The following PECR variants were observed in gnomAD, a reference collection of about 807,000 sequenced individuals.
PECR encodes peroxisomal trans-2-enoyl-CoA reductase.
PECR carries 30 observed loss-of-function variants against 35.3 expected under a neutral mutation model. That is an observed-to-expected ratio of 0.85 (90% CI 0.64 to 1.15). The LOEUF is 1.15. PECR is among the 50% of genes most tolerant of loss of function. The probability of loss-of-function intolerance (pLI) is 0.00; values close to 1 mark genes in which losing one functional copy is unlikely to be tolerated. For synonymous variants in PECR, 148 were observed against 138.9 expected (o/e 1.07, Z -0.46); for missense variants, 392 against 370.8 (o/e 1.06, Z -0.47).
chr2:216,060,638 G>A (rs1194066004), intron 3 of PECR, among the ~76,000 whole-genome samples: 1 of 152,090 alleles, frequency 6.6e-6, no homozygotes, highest in Non-Finnish European at 1.5e-5. Context: ...CTACTCTCCA[G>A]CCTGGGTGAC....
intron 1 of PECR, among the ~76,000 whole-genome samples, chr2:216,071,203 A>G (rs1695581337): frequency 6.6e-6 from 1 of 152,200 alleles, no homozygotes; most frequent in South Asian, 2.1e-4. Flanking sequence ...CAAAAACGCA[A>G]GCGTACCCTT....
Position 216,065,358 on chromosome 2 carries a change from A to C in PECR, c.378T>G (p.Ala126=), listed in dbSNP as rs1385943481. 6.2e-7 allele frequency: 1 copy of C among 1,612,020 alleles called. No homozygotes were observed. Among genetic ancestry groups the C allele is most frequent in the African/African-American group, 1.3e-5 (1 of 74,900 alleles). ...TACCCGTCAGGTTGGTCTCAAGCACAGCGTGCCATCCCTTAGAACTGATGT... is the reference window on the plus strand; with the variant it reads ...TACCCGTCAGGTTGGTCTCAAGCACCGCGTGCCATCCCTTAGAACTGATGT... ...AEHISSKGWH[A]VLETNLTGTF... The change falls in exon 3 of 8, where the codon GCT becomes GCG. Residue 126 remains alanine, a synonymous_variant. Transcript: ENST00000265322.
chr2:216,058,536 T>C (rs754353848), intron 4 of PECR, among the ~76,000 whole-genome samples: 1 of 152,106 alleles, frequency 6.6e-6, no homozygotes. Flanking sequence ...TTAACACAGA[T>C]TAGTTTCATT....
intron 3 of PECR, among the ~76,000 whole-genome samples, chr2:216,059,352 G>A (rs1001010402): frequency 3.3e-5 from 5 of 152,214 alleles, no homozygotes; most frequent in Admixed American, 2.0e-4. Context: ...CACACAATAC[G>A]TGGTCTTTTG....
chr2:216,047,938 A>G (rs556302810), intron 6 of PECR, among the ~76,000 whole-genome samples: 1 of 148,704 alleles, frequency 6.7e-6, no homozygotes, highest in African/African-American at 2.5e-5. Flanking sequence ...TGTTTTTTTC[A>G]TTTATGAAAC....
downstream of PECR, among the ~76,000 whole-genome samples, chr2:216,034,854 C>T (rs1224579447): frequency 6.6e-6 from 1 of 152,070 alleles, no homozygotes; most frequent in African/African-American, 2.4e-5. Flanking sequence ...AAAACTCAGC[C>T]AGTTGATAGC....
At chr2:216,055,599 T>C (rs928798414) in intron 4 of PECR, among the ~76,000 whole-genome samples, 3 of 152,076 alleles carry the variant, frequency 2.0e-5, no homozygotes, top group Non-Finnish European at 4.4e-5. Flanking sequence ...TTCTTTGTAA[T>C]ACATACTTGA....
At chr2:216,045,045 T>C (rs1694965792) in intron 6 of PECR, among the ~76,000 whole-genome samples, 2 of 152,138 alleles carry the variant, frequency 1.3e-5, no homozygotes, top group South Asian at 2.1e-4. Context: ...GTGAGGCAAA[T>C]AAGGTGTCGA....
chr2:216,032,329 G>GT (rs1694722577), intron 7 of PECR, among the ~76,000 whole-genome samples: 1 of 152,164 alleles, frequency 6.6e-6, no homozygotes, highest in Non-Finnish European at 1.5e-5. Flanking sequence ...TTGCTGATTT[G>GT]TTTGAGTTTT....
At position 216,077,806 on chromosome 2, in the gene PECR, C is replaced by CAA. The variant is rs10596402; in HGVS notation, c.124+3810_124+3811dup. Reference sequence around the variant, plus strand: ...TGGGCTACAGAGCAAGACTCCGTCTCAAAAAAAAAAAAAAAAAAAATATGG... The same window carrying CAA: ...TGGGCTACAGAGCAAGACTCCGTCTCAAAAAAAAAAAAAAAAAAAAAATATGG... On this transcript the variant is annotated intron_variant, in intron 1 of 7. Transcript: ENST00000265322. 3.2e-3 allele frequency among the ~76,000 whole-genome samples: 233 copies of CAA among 73,300 alleles called. 2 individuals are homozygous for CAA. Among genetic ancestry groups the CAA allele is most frequent in the Middle Eastern group, 0.027 (4 of 146 alleles). The allele number at this position is 73,300 out of a possible 152,430, so 48.1% of individuals were successfully genotyped here. A position where few individuals can be genotyped will look rare whatever the true frequency, so the allele number is the denominator to read the frequency against.
intron 4 of PECR, among the ~76,000 whole-genome samples, chr2:216,054,615 C>T (rs1467044643): frequency 6.6e-6 from 1 of 151,048 alleles, no homozygotes; most frequent in Non-Finnish European, 1.5e-5. Context: ...GGATTACAGG[C>T]GTGAGCCACT....
At chr2:216,073,053 G>A (rs1276838665) in intron 1 of PECR, among the ~76,000 whole-genome samples, 1 of 152,170 alleles carries the variant, frequency 6.6e-6, no homozygotes, top group Non-Finnish European at 1.5e-5. Context: ...ATTCTCGTGT[G>A]CAATCTGAGG....
downstream of PECR, among the ~76,000 whole-genome samples, chr2:216,037,693 A>T (rs1375493458): frequency 6.6e-6 from 1 of 152,132 alleles, no homozygotes; most frequent in Non-Finnish European, 1.5e-5. Flanking sequence ...GCACCTCATT[A>T]GCCTCTCCCT....
chr2:216,045,259 C>T (rs772193987), intron 6 of PECR, among the ~76,000 whole-genome samples: 25 of 152,312 alleles, frequency 1.6e-4, no homozygotes, highest in African/African-American at 5.3e-4. Flanking sequence ...GTATTCCCAG[C>T]AGCTAGTACA....
At chr2:216,042,382 T>C (rs1286191264) in intron 7 of PECR, among the ~76,000 whole-genome samples, 2 of 152,360 alleles carry the variant, frequency 1.3e-5, no homozygotes, top group South Asian at 4.1e-4. Flanking sequence ...AAAAAAGGCC[T>C]TAAGCCTTGA....
Position 216,031,842 on chromosome 2 carries a change from C to G in PECR, c.*440+7349G>C, listed in dbSNP as rs368577386. Among the ~76,000 whole-genome samples the G allele has an allele frequency of 3.3e-5, 5 of 152,312 alleles. No homozygotes were observed. The East Asian group carries it at 9.6e-4, about 29-fold the overall frequency. ...GATTCAATGTCTCACAGCTAAATCT[C>G]GCAGCAAGTCTTACCTACCTGAGGA... On this transcript the variant is annotated intron_variant and NMD_transcript_variant, in intron 7 of 7. Coordinates refer to the PECR transcript ENST00000442122.
chr2:216,035,488 CTTT>C (rs535525763), downstream of PECR, among the ~76,000 whole-genome samples: 8 of 127,820 alleles, frequency 6.3e-5, no homozygotes, highest in Non-Finnish European at 3.4e-5. Flanking sequence ...GAGGGCTCTT[CTTT>C]TTTTTTTTTT....
At chr2:216,067,272 A>G (rs1437450261) in intron 1 of PECR, among the ~76,000 whole-genome samples, 7 of 152,170 alleles carry the variant, frequency 4.6e-5, no homozygotes, top group African/African-American at 1.2e-4. Context: ...CTGAGTACCA[A>G]TCGATGCTTG....
chr2:216,036,794 AT>A (rs749904209), downstream of PECR, among the ~76,000 whole-genome samples: 3 of 152,140 alleles, frequency 2.0e-5, no homozygotes, highest in Non-Finnish European at 4.4e-5. Flanking sequence ...TGCAAATCTC[AT>A]TATGTCTGGG....
Sources: gnomAD v4.1 joint callset for allele counts (sites outside exome capture counted in the v4.1 genomes callset) on GRCh38, gnomAD v4.1.1 for gene constraint, MANE v1.5 for transcripts, NCBI Gene and HGNC (gene_info 2026-07-23, HGNC 2026-07-21) for gene names.